The following KDM7A variants were observed in gnomAD, a reference collection of about 807,000 sequenced individuals.
KDM7A encodes lysine demethylase 7A.
Under a neutral mutation model 114.8 loss-of-function variants are expected in KDM7A, and 28 were observed. The observed-to-expected ratio is 0.24, with a 90% CI of 0.18 to 0.33. The LOEUF (loss-of-function observed/expected upper bound fraction) is 0.33, where lower values mean the gene tolerates loss of function less well. Ranked by LOEUF, KDM7A falls within the 10% of genes least tolerant of loss-of-function variation. The pLI is 1.00. For missense variants in KDM7A, 942 were observed against 1,142.5 expected, an observed-to-expected ratio of 0.82 and a Z score of 2.53; for synonymous variants, 423 against 397.8, an observed-to-expected ratio of 1.06 and a Z score of -0.75.
chr7:140,172,962 T>C (rs915742948), intron 1 of KDM7A, among the ~76,000 whole-genome samples: 1 of 152,222 alleles, frequency 6.6e-6, no homozygotes, highest in Non-Finnish European at 1.5e-5. Context: ...CCTTAATATA[T>C]TGCTTTTATC....
At chr7:140,103,969 CCT>C (rs1818282596) in intron 11 of KDM7A, among the ~76,000 whole-genome samples, 2 of 152,282 alleles carry the variant, frequency 1.3e-5, no homozygotes, top group South Asian at 4.1e-4. Context: ...CTCTCCAGCA[CCT>C]GTTGTTTCCT....
Position 140,101,989 on chromosome 7 carries a change from C to T in KDM7A, c.1600G>A (p.Glu534Lys), listed in dbSNP as rs1413662821. Residue 534 changes from glutamate to lysine, a missense_variant, in exon 12 of 20, where the codon GAG becomes AAG. Glu to Lys is a moderately conservative substitution (Grantham distance 56). Around this residue, in one of 4 missense-constraint regions of KDM7A, gnomAD observed 512 missense variants for 576.6 expected, o/e 0.89. Coordinates refer to ENST00000397560, the MANE Select transcript of KDM7A (RefSeq NM_030647.2). The part of the protein sequence containing the change: ...NLDILELHTR[E>K]VLKRLEMCPW... ...CACATCTCTAATCTTTTGAGGACCTCCCTTGTGTGGAGCTCTAGGATGTCT... is the reference window on the plus strand; with the variant it reads ...CACATCTCTAATCTTTTGAGGACCTTCCTTGTGTGGAGCTCTAGGATGTCT... 7.4e-6 allele frequency: 12 copies of T among 1,613,660 alleles called. No individual in the cohort carries two copies. The highest frequency in any genetic ancestry group is 1.0e-5 in the Non-Finnish European group (12 of 1,179,692).
chr7:140,111,766 C>A (rs1818436463), intron 10 of KDM7A, among the ~76,000 whole-genome samples: 1 of 152,170 alleles, frequency 6.6e-6, no homozygotes, highest in Non-Finnish European at 1.5e-5. Context: ...TGAGCCCAGC[C>A]TGGCCAACAT....
At chr7:140,122,352 T>C in intron 7 of KDM7A, among the ~76,000 whole-genome samples, 1 of 151,906 alleles carries the variant, frequency 6.6e-6, no homozygotes, top group South Asian at 2.1e-4. Flanking sequence ...TGTCAATTTA[T>C]GATTTGAAGA....
rs541834382 is a variant in KDM7A at position 140,106,865 on chromosome 7, T to C, written c.1428+4230A>G. ...TTGTTAACTTTCTGTCTCGTTGATCTGTCTAATGTTGACAGTGGGGTGTTG... is the reference window on the plus strand; with the variant it reads ...TTGTTAACTTTCTGTCTCGTTGATCCGTCTAATGTTGACAGTGGGGTGTTG... On this transcript the variant is annotated intron_variant, in intron 11 of 19. Transcript: ENST00000397560. Among the ~76,000 whole-genome samples the C allele has an allele frequency of 1.6e-4, 25 of 152,352 alleles. No homozygotes were observed. In the South Asian group the frequency reaches 5.0e-3, roughly 30 times the overall value.
Position 140,161,510 on chromosome 7 carries a change from ATT to A in KDM7A, c.194+15232_194+15233del, listed in dbSNP as rs371968676. Among the ~76,000 whole-genome samples, 73 of 149,210 alleles carry A rather than the reference ATT, an allele frequency of 4.9e-4. 1 individual carries two copies. The highest frequency in any genetic ancestry group is 1.8e-3 in the African/African-American group (72 of 40,666). The stretch of plus-strand genomic sequence containing the variant: ...CAGGTCACATCTCCATGACCATTTT[ATT>A]TTCTTTTTTAGTTTTGTTTTTTCGT... On this transcript the variant is annotated intron_variant, in intron 1 of 19. Coordinates refer to ENST00000397560, the MANE Select transcript of KDM7A (RefSeq NM_030647.2).
intron 1 of KDM7A, among the ~76,000 whole-genome samples, chr7:140,142,953 G>A (rs903511599): frequency 4.6e-5 from 7 of 151,780 alleles, no homozygotes; most frequent in Non-Finnish European, 1.0e-4. Flanking sequence ...TAATCAAGGC[G>A]GGCGGATCAC....
At chr7:140,115,099 C>T (rs562054452) in intron 9 of KDM7A, among the ~76,000 whole-genome samples, 17 of 152,002 alleles carry the variant, frequency 1.1e-4, no homozygotes, top group Non-Finnish European at 1.9e-4. Flanking sequence ...AGCCCCCGCC[C>T]GGCCAGCCAC....
At chr7:140,147,378 A>T (rs955106487) in intron 1 of KDM7A, among the ~76,000 whole-genome samples, 1 of 152,176 alleles carries the variant, frequency 6.6e-6, no homozygotes, top group Non-Finnish European at 1.5e-5. Flanking sequence ...TTTTTTAAAG[A>T]ATTTTCTTAA....
At position 140,098,916 on chromosome 7, in the gene KDM7A, C is replaced by T; in HGVS notation, c.1881G>A (p.Glu627=). 6.2e-7 allele frequency: 1 copy of T among 1,613,382 alleles called. No individual in the cohort carries two copies. The highest frequency in any genetic ancestry group is 8.5e-7 in the Non-Finnish European group (1 of 1,179,710). ...TTTGAGATTCTTCATGTTCCACTCC[C>T]TCTACTCCTGAACTCTCTTCTATCT... ...KMKIEESSGV[E]GVEHEESQKP... is the part of the protein sequence containing the mutation. The change falls in exon 14 of 20, where the codon GAG becomes GAA. Residue 627 remains glutamate, a synonymous_variant. Transcript: ENST00000397560.
intron 2 of KDM7A, among the ~76,000 whole-genome samples, chr7:140,136,869 C>T (rs1818878974): frequency 1.3e-5 from 2 of 152,166 alleles, no homozygotes; most frequent in African/African-American, 4.8e-5. Context: ...CAACCGTAAT[C>T]CCAGCTACTC....
At chr7:140,105,498 G>A (rs745767843) in intron 11 of KDM7A, among the ~76,000 whole-genome samples, 1 of 152,178 alleles carries the variant, frequency 6.6e-6, no homozygotes, top group African/African-American at 2.4e-5. Context: ...TTAGCATGAA[G>A]GGCTGCTGAA....
intron 2 of KDM7A, among the ~76,000 whole-genome samples, chr7:140,134,156 G>A (rs1818833057): frequency 6.6e-6 from 1 of 152,154 alleles, no homozygotes; most frequent in African/African-American, 2.4e-5. Context: ...AAGAGCAGGT[G>A]ACTGAGTCAT....
At chr7:140,107,589 G>C (rs1428498267) in intron 11 of KDM7A, among the ~76,000 whole-genome samples, 3 of 152,204 alleles carry the variant, frequency 2.0e-5, no homozygotes, top group Non-Finnish European at 4.4e-5. Context: ...CAAGAATGTT[G>C]AATATTGGCC....
chr7:140,130,599 T>C (rs375276882), intron 3 of KDM7A, among the ~76,000 whole-genome samples: 2 of 151,678 alleles, frequency 1.3e-5, no homozygotes, highest in East Asian at 3.9e-4. Context: ...CCAGCCTGAG[T>C]GACAAGAGCA....
At chr7:140,172,515 C>T (rs1273380446) in intron 1 of KDM7A, among the ~76,000 whole-genome samples, 3 of 151,768 alleles carry the variant, frequency 2.0e-5, no homozygotes, top group African/African-American at 4.8e-5. Flanking sequence ...TAGCTGGGCG[C>T]GGTGGCGGGT....
rs575167527 is a variant in KDM7A, at chr7:140,099,125, G to A, written c.1764-92C>T. On this transcript the variant is annotated intron_variant, in intron 13 of 19. Transcript: ENST00000397560. ...CCTCTCCCTTAATTTACAAAGAGTA[G>A]AGAATTGAGACACTGTCCCCATATT... is the stretch of plus-strand genomic sequence containing the variant. 5 of 948,766 alleles carry A rather than the reference G, an allele frequency of 5.3e-6. No homozygotes were observed. The East Asian group carries it at 1.2e-4, about 23-fold the overall frequency. 58.8% of individuals were successfully genotyped at this position (948,766 alleles called of 1,614,324 possible).
chr7:140,104,851 G>C (rs1448015214), intron 11 of KDM7A, among the ~76,000 whole-genome samples: 1 of 152,166 alleles, frequency 6.6e-6, no homozygotes, highest in African/African-American at 2.4e-5. Flanking sequence ...TAGCTTGATG[G>C]GGATGGCATT....
chr7:140,157,304 C>T (rs1378137345), intron 1 of KDM7A, among the ~76,000 whole-genome samples: 1 of 152,216 alleles, frequency 6.6e-6, no homozygotes, highest in South Asian at 2.1e-4. Flanking sequence ...CTCAGCTTTA[C>T]GCTGAACTAT....
Sources: allele counts gnomAD v4.1 joint callset (sites outside exome capture counted in the v4.1 genomes callset), GRCh38; gene constraint gnomAD v4.1.1; regional missense constraint gnomAD v4.1.1; transcripts MANE v1.5; gene names NCBI Gene and HGNC (gene_info 2026-07-23, HGNC 2026-07-21).